IGDCC3: variants seen among roughly 807,000 people sequenced by gnomAD.
The protein encoded by IGDCC3 is immunoglobulin superfamily DCC subclass member 3, also known as putative neuronal cell adhesion molecule.
Under a neutral mutation model 72.0 loss-of-function variants are expected in IGDCC3, and 47 were observed. The observed-to-expected ratio is 0.65, with a 90% CI of 0.52 to 0.83. The LOEUF (loss-of-function observed/expected upper bound fraction) is 0.83, where lower values mean the gene tolerates loss of function less well. Among genes scored for constraint, IGDCC3 ranks in the 40% least tolerant of loss-of-function variants. The pLI is 0.00. For missense variants in IGDCC3, 1,038 were observed against 1,091.3 expected, an observed-to-expected ratio of 0.95 and a Z score of 0.69; for synonymous variants, 477 against 472.8, an observed-to-expected ratio of 1.01 and a Z score of -0.11.
At chr15:65,371,728 G>A (rs1231453114) in intron 2 of IGDCC3, among the ~76,000 whole-genome samples, 1 of 152,206 alleles carries the variant, frequency 6.6e-6, no homozygotes, top group African/African-American at 2.4e-5. Flanking sequence ...ATTGAGGGTG[G>A]CAGGGACTCG....
At chr15:65,370,620 G>GTGTGTATATATATA (rs1491326161) in intron 2 of IGDCC3, among the ~76,000 whole-genome samples, 1 of 94,592 alleles carries the variant, frequency 1.1e-5, no homozygotes, top group African/African-American at 3.5e-5. Context: ...ATATGTATGT[G>GTGTGTATATATATA]TATATATATA....
intron 6 of IGDCC3, 42 bp downstream of exon 6, chr15:65,333,215 C>A (rs762121270): frequency 2.6e-6 from 4 of 1,541,800 alleles, no homozygotes; most frequent in Non-Finnish European, 2.6e-6. Context: ...AGGGACTGTG[C>A]GGAGATCCCT....
chr15:65,376,389 T>A (rs1311839990), intron 1 of IGDCC3, among the ~76,000 whole-genome samples: 1 of 152,180 alleles, frequency 6.6e-6, no homozygotes, highest in Non-Finnish European at 1.5e-5. Flanking sequence ...GCAAACAACT[T>A]ACCAGACCAG....
In IGDCC3 at chr15:65,328,766, T is replaced by G. The variant is rs1595747287; in HGVS notation, c.*143A>C. ...GGGTCCCTGTCAAGGCTGCCTTGGGTTTTGACAACCCAAGAGGCAGTCAGG... is the reference window on the plus strand; with the variant it reads ...GGGTCCCTGTCAAGGCTGCCTTGGGGTTTGACAACCCAAGAGGCAGTCAGG... On this transcript the variant is annotated 3_prime_UTR_variant, in exon 14 of 14. Transcript: ENST00000327987. The G allele has an allele frequency of 1.3e-5, 14 of 1,108,758 alleles. No homozygotes were observed. Among genetic ancestry groups the G allele is most frequent in the Non-Finnish European group, 8.5e-6 (7 of 824,728 alleles). 68.7% of individuals were successfully genotyped at this position (1,108,758 alleles called of 1,614,324 possible).
At chr15:65,361,652 C>T (rs1392523232) in intron 2 of IGDCC3, among the ~76,000 whole-genome samples, 4 of 116,492 alleles carry the variant, frequency 3.4e-5, no homozygotes, top group East Asian at 2.6e-4. Context: ...AAAGGCCCCG[C>T]GTCCTGGATG....
At chr15:65,333,449 T>A (rs374665134) in intron 5 of IGDCC3, 34 bp from the exon 6 acceptor site, 9 of 1,557,020 alleles carry the variant, frequency 5.8e-6, no homozygotes, top group Admixed American at 3.8e-5. Flanking sequence ...TGGGTGAGGG[T>A]CAGATAGAGA....
At chr15:65,361,914 G>A (rs1291821277) in intron 2 of IGDCC3, among the ~76,000 whole-genome samples, 2 of 152,158 alleles carry the variant, frequency 1.3e-5, no homozygotes. Context: ...CCCCGCCCAG[G>A]GCAGAGCCAG....
At position 65,334,641 on chromosome 15, in the gene IGDCC3, C is replaced by T. The variant is rs2091009636; in HGVS notation, c.823+87G>A. On this transcript the variant is annotated intron_variant, in intron 5 of 13. Transcript: ENST00000327987. ...GAGAACAAACAGGATTCCACATTCCCCTGGAGCTGGGTGAGGAGTCTGAGA... is the reference window on the plus strand; with the variant it reads ...GAGAACAAACAGGATTCCACATTCCTCTGGAGCTGGGTGAGGAGTCTGAGA... The T allele has an allele frequency of 3.3e-6, 4 of 1,196,872 alleles. No homozygotes were observed. The Admixed American group carries it at 8.5e-5, about 25-fold the overall frequency. 74.1% of individuals were successfully genotyped at this position (1,196,872 alleles called of 1,614,324 possible). A position where few individuals can be genotyped will look rare whatever the true frequency, so the allele number is the denominator to read the frequency against.
At chr15:65,330,793 T>C (rs2090970390) in intron 9 of IGDCC3, 52 bp from the exon 10 acceptor site, 1 of 1,440,972 alleles carries the variant, frequency 6.9e-7, no homozygotes, top group Non-Finnish European at 9.5e-7. Flanking sequence ...AAGCTCTATC[T>C]TTCTACCTTC....
chr15:65,355,656 T>TCCCAC, intron 2 of IGDCC3: 1 of 211,730 alleles, frequency 4.7e-6, no homozygotes, highest in African/African-American at 3.0e-5. Context: ...GACGCGGGCG[T>TCCCAC]CCCGCCCCCC....
Position 65,330,652 on chromosome 15 carries a change from C to A in IGDCC3, c.1651G>T (p.Glu551Ter). 1.9e-6 allele frequency: 3 copies of A among 1,613,542 alleles called. No individual in the cohort carries two copies. Among genetic ancestry groups the A allele is most frequent in the Non-Finnish European group, 2.5e-6 (3 of 1,179,792 alleles). The part of the protein sequence containing the change: ...WEPWPRLAQH[E>*]GGFKLFYRPA... The stretch of plus-strand genomic sequence containing the variant: ...CGGTAAAACAGCTTGAAGCCGCCCT[C>A]GTGCTGGGCCAGCCGGGGCCAAGGC... Residue 551 changes from glutamate to a stop codon, truncating the protein, a stop_gained, in exon 10 of 14, where the codon GAG becomes TAG. Transcript: ENST00000327987. LOFTEE classifies it high-confidence loss of function.
chr15:65,344,532 T>G (rs2091109944), intron 2 of IGDCC3, among the ~76,000 whole-genome samples: 1 of 151,506 alleles, frequency 6.6e-6, no homozygotes, highest in Non-Finnish European at 1.5e-5. Context: ...GGGGGAGAGG[T>G]GGGGGGCAGT....
At position 65,329,340 on chromosome 15, in the gene IGDCC3, G is replaced by A. The variant is rs1306257369; in HGVS notation, c.2205+50C>T. On this transcript the variant is annotated intron_variant, in intron 13 of 13. Transcript: ENST00000327987. This position sits in a 1 kb window ranked among gnomAD's most constrained non-coding sequence, Gnocchi z 4.1. Reference sequence around the variant, plus strand: ...GTGAAGGGGGGCAGGATTGGAAGGTGGCAGTGTCAGAGCCTGAGGCGGGGG... The same window carrying A: ...GTGAAGGGGGGCAGGATTGGAAGGTAGCAGTGTCAGAGCCTGAGGCGGGGG... 2.0e-6 allele frequency: 3 copies of A among 1,532,136 alleles called. No individual in the cohort carries two copies. The highest frequency in any genetic ancestry group is 4.5e-5 in the East Asian group (2 of 44,338). The allele number at this position is 1,532,136 out of a possible 1,614,324, so 94.9% of individuals were successfully genotyped here.
chr15:65,332,837 C>T (rs967935804), intron 6 of IGDCC3, among the ~76,000 whole-genome samples: 2 of 152,202 alleles, frequency 1.3e-5, no homozygotes, highest in Non-Finnish European at 2.9e-5. Flanking sequence ...AGTGAGGCTG[C>T]CGGCGACAGA....
rs183765711 is a variant in IGDCC3 at position 65,333,432 on chromosome 15, G to T, written c.824-17C>A. 3 of 1,580,694 alleles carry T rather than the reference G, an allele frequency of 1.9e-6. No homozygotes were observed. The East Asian group carries it at 7.0e-5, about 37-fold the overall frequency. ...GGCGACCATCTGCAGAGGAAGGGGA[G>T]GGGGGATGGGTGAGGGTCAGATAGA... On this transcript the variant is annotated splice_polypyrimidine_tract_variant and intron_variant, in intron 5 of 13. Transcript: ENST00000327987.
intron 2 of IGDCC3, among the ~76,000 whole-genome samples, chr15:65,357,072 G>C (rs1351343088): frequency 6.6e-6 from 1 of 151,598 alleles, no homozygotes; most frequent in Admixed American, 6.6e-5. Context: ...GGCTGGTCTC[G>C]AACTCCTGAC....
At position 65,333,289 on chromosome 15, in the gene IGDCC3, C is replaced by T. The variant is rs1236984463; in HGVS notation, c.950G>A (p.Arg317Lys). 1 of 1,612,460 alleles carries T rather than the reference C, an allele frequency of 6.2e-7. No individual in the cohort carries two copies. The highest frequency in any genetic ancestry group is 1.3e-5 in the African/African-American group (1 of 74,898). Residue 317 changes from arginine to lysine, a missense_variant, in exon 6 of 14, where the codon AGG becomes AAG. By Grantham distance (26) the Arg-to-Lys change is conservative (BLOSUM62 2). Transcript: ENST00000327987. ...CAANRPGTRV[R>K]RTAQGRLVVQ... ...CACCAGCCGGCCCTGTGCCGTTCTC[C>T]TCACCCGGGTGCCAGGTCTGTTGGC...
intron 2 of IGDCC3, among the ~76,000 whole-genome samples, chr15:65,346,623 A>T (rs928418664): frequency 3.3e-5 from 5 of 151,912 alleles, no homozygotes; most frequent in African/African-American, 1.2e-4. Flanking sequence ...TGCCCGGCTA[A>T]TTTTTTTGTA....
intron 2 of IGDCC3, among the ~76,000 whole-genome samples, chr15:65,373,244 T>C (rs899420998): frequency 1.3e-5 from 2 of 152,176 alleles, no homozygotes; most frequent in Non-Finnish European, 2.9e-5. Flanking sequence ...AGCATCTCCC[T>C]GAGGAGTCTC....
Sources: allele counts gnomAD v4.1 joint callset (sites outside exome capture counted in the v4.1 genomes callset), GRCh38; gene constraint gnomAD v4.1.1; non-coding constraint Gnocchi (gnomAD v3.1); transcripts MANE v1.5; gene names NCBI Gene and HGNC (gene_info 2026-07-23, HGNC 2026-07-21).